MBD5: variants seen among roughly 807,000 people sequenced by gnomAD.
The protein encoded by MBD5 is methyl-CpG-binding domain protein 5.
MBD5 carries 13 observed loss-of-function variants against 117.3 expected under a neutral mutation model. That is an observed-to-expected ratio of 0.11 (90% CI 0.07 to 0.18). The LOEUF (loss-of-function observed/expected upper bound fraction) is 0.18, where lower values mean the gene tolerates loss of function less well. MBD5 is among the 10% of genes least tolerant of loss of function. The pLI is 1.00. For synonymous variants in MBD5, 727 were observed against 766.4 expected, an observed-to-expected ratio of 0.95 and a Z score of 0.85; for missense variants, 1,879 against 2,093.8, an observed-to-expected ratio of 0.90 and a Z score of 2.00.
intron 4 of MBD5, among the ~76,000 whole-genome samples, chr2:148,404,633 T>A (rs1283746809): frequency 6.6e-6 from 1 of 152,158 alleles, no homozygotes; most frequent in East Asian, 1.9e-4. Context: ...CTCAAGACAA[T>A]AAGCTAGGGA....
chr2:148,383,664 G>C (rs567346911), intron 4 of MBD5, among the ~76,000 whole-genome samples: 3 of 151,114 alleles, frequency 2.0e-5, no homozygotes, highest in Admixed American at 6.6e-5. Flanking sequence ...AAAAAAAAGA[G>C]AATTTTAGAC....
intron 4 of MBD5, among the ~76,000 whole-genome samples, chr2:148,360,488 T>C (rs1703501889): frequency 1.3e-5 from 2 of 152,198 alleles, no homozygotes; most frequent in Non-Finnish European, 2.9e-5. Context: ...AAGTTCCTTT[T>C]TGGGATACTG....
intron 3 of MBD5, among the ~76,000 whole-genome samples, chr2:148,276,929 GA>G (rs1701127224): frequency 6.6e-6 from 1 of 152,072 alleles, no homozygotes; most frequent in Non-Finnish European, 1.5e-5. Context: ...GTTCTTATTT[GA>G]AAAAATTAAA....
intron 3 of MBD5, among the ~76,000 whole-genome samples, chr2:148,337,374 T>C (rs1415607405): frequency 1.3e-5 from 2 of 152,240 alleles, no homozygotes; most frequent in Non-Finnish European, 1.5e-5. Context: ...GTTTTTATCA[T>C]GTAAGCTTTA....
At chr2:148,309,470 G>C (rs1456810573) in intron 3 of MBD5, among the ~76,000 whole-genome samples, 1 of 150,742 alleles carries the variant, frequency 6.6e-6, no homozygotes. Flanking sequence ...CTGGTGTATA[G>C]GGTGATTTTT....
intron 1 of MBD5, among the ~76,000 whole-genome samples, chr2:148,155,631 C>G (rs1217912448): frequency 1.3e-5 from 2 of 152,160 alleles, no homozygotes; most frequent in Non-Finnish European, 2.9e-5. Context: ...CATGGTCACC[C>G]AGCTGGTCTG....
chr2:148,272,444 A>AT (rs964119904), intron 3 of MBD5, among the ~76,000 whole-genome samples: 4 of 151,742 alleles, frequency 2.6e-5, no homozygotes, highest in African/African-American at 7.3e-5. Flanking sequence ...GTCAATACTT[A>AT]TTTTTTTTGT....
intron 1 of MBD5, among the ~76,000 whole-genome samples, chr2:148,108,975 G>C (rs1444625306): frequency 6.6e-6 from 1 of 152,174 alleles, no homozygotes; most frequent in East Asian, 1.9e-4. Context: ...GGGAAAAAAG[G>C]ATGGAAGGGA....
chr2:148,100,120 A>G (rs1449959), intron 1 of MBD5, among the ~76,000 whole-genome samples: 64,968 of 151,818 alleles, frequency 0.43, 13,998 homozygotes, highest in Middle Eastern at 0.55. Context: ...TTCGAGTGAG[A>G]CCTAAGATCT....
chr2:148,170,493 G>T (rs1698239205), intron 1 of MBD5, among the ~76,000 whole-genome samples: 1 of 152,170 alleles, frequency 6.6e-6, no homozygotes, highest in Non-Finnish European at 1.5e-5. Context: ...TTTGATTTCT[G>T]TTGAAATAAA....
rs144272619 is a variant in MBD5 at position 148,167,394 on chromosome 2, A to C, written c.-924-11306A>C. Among the ~76,000 whole-genome samples the C allele has an allele frequency of 4.8e-3, 730 of 152,176 alleles. 5 individuals are homozygous for C. Among genetic ancestry groups the C allele is most frequent in the African/African-American group, 0.016 (674 of 41,538 alleles). ...CTAAGAAGACTGTAAGTTCTGATTCAGTTTTTTCTGCTTTAGCTCCTACAA... is the reference window on the plus strand; with the variant it reads ...CTAAGAAGACTGTAAGTTCTGATTCCGTTTTTTCTGCTTTAGCTCCTACAA... On this transcript the variant is annotated intron_variant, in intron 1 of 13. Transcript: ENST00000642680.
chr2:148,203,837 C>T lies in MBD5; in HGVS notation c.-831+25044C>T, dbSNP rs114215192. 7.7e-3 allele frequency among the ~76,000 whole-genome samples: 1,176 copies of T among 152,058 alleles called. 11 individuals carry two copies. Among genetic ancestry groups the T allele is most frequent in the Admixed American group, 0.033 (504 of 15,260 alleles). Reference sequence around the variant, plus strand: ...AGCAACATAAGGTATGTTATGTGTACGATCAGAGAATAGATTGTGGACATC... The same window carrying T: ...AGCAACATAAGGTATGTTATGTGTATGATCAGAGAATAGATTGTGGACATC... On this transcript the variant is annotated intron_variant, in intron 2 of 13. Coordinates refer to ENST00000642680, the MANE Select transcript of MBD5 (RefSeq NM_001378120.1).
Position 148,483,725 on chromosome 2 carries a change from G to T in MBD5, c.3134G>T (p.Arg1045Leu). The T allele has an allele frequency of 6.4e-7, 1 of 1,550,512 alleles. No individual in the cohort carries two copies. Among genetic ancestry groups the T allele is most frequent in the Non-Finnish European group, 8.7e-7 (1 of 1,146,952 alleles). The change falls in exon 9 of 14, where the codon CGA becomes CTA. Residue 1045 changes from arginine to leucine, a missense_variant. This residue lies in a region of MBD5 where 1,666 missense variants were observed against 1,792.2 expected (regional missense o/e 0.93). Transcript: ENST00000642680. ...HLPSNQSDNS[R>L]AETLLTSPLG... ...CCAAGCAATCAGTCAGACAACAGCC[G>T]AGCTGAGACCCTTTTAACCAGCCCC...
At chr2:148,174,124 G>C (rs1698326806) in intron 1 of MBD5, among the ~76,000 whole-genome samples, 1 of 152,134 alleles carries the variant, frequency 6.6e-6, no homozygotes, top group Non-Finnish European at 1.5e-5. Context: ...CAGTGGACTG[G>C]AATAGAGAGC....
At chr2:148,166,717 G>A (rs576330745) in intron 1 of MBD5, among the ~76,000 whole-genome samples, 74 of 152,090 alleles carry the variant, frequency 4.9e-4, no homozygotes, top group African/African-American at 1.7e-3. Context: ...TCCCTGCTAT[G>A]TTTTCTGTGT....
chr2:148,126,405 C>CAAAAA (rs11308422), intron 1 of MBD5, among the ~76,000 whole-genome samples: 1 of 92,542 alleles, frequency 1.1e-5, no homozygotes, highest in Non-Finnish European at 2.2e-5. Context: ...GACTCCATCT[C>CAAAAA]AAAAAAAAAA....
intron 3 of MBD5, among the ~76,000 whole-genome samples, chr2:148,241,303 T>C (rs529599882): frequency 8.5e-5 from 13 of 152,322 alleles, no homozygotes; most frequent in Middle Eastern, 3.4e-3. Context: ...TCTTAATCCT[T>C]AGGTGACTTC....
At chr2:148,335,745 TAATA>T (rs1407803979) in intron 3 of MBD5, among the ~76,000 whole-genome samples, 1 of 151,690 alleles carries the variant, frequency 6.6e-6, no homozygotes, top group African/African-American at 2.4e-5. Context: ...AATAAAATAA[TAATA>T]AATAAATAAA....
intron 2 of MBD5, among the ~76,000 whole-genome samples, chr2:148,219,410 C>G (rs1459760221): frequency 6.6e-6 from 1 of 151,980 alleles, no homozygotes; most frequent in African/African-American, 2.4e-5. Context: ...GGAGTACACT[C>G]TACTATAACA....
Sources: allele counts gnomAD v4.1 joint callset (sites outside exome capture counted in the v4.1 genomes callset), GRCh38; gene constraint gnomAD v4.1.1; regional missense constraint gnomAD v4.1.1; transcripts MANE v1.5; gene names NCBI Gene and HGNC (gene_info 2026-07-23, HGNC 2026-07-21).